The following DSE variants were observed in gnomAD, a reference collection of about 807,000 sequenced individuals.
DSE encodes dermatan-sulfate epimerase.
Under a neutral mutation model 84.4 loss-of-function variants are expected in DSE, and 36 were observed. The ratio of observed to expected loss-of-function variants is 0.43; its 90% CI spans 0.33 to 0.56. The LOEUF is 0.56. Ranked by LOEUF, DSE falls within the 20% of genes least tolerant of loss-of-function variation. The pLI is 0.06. For missense variants in DSE, 862 were observed against 1,169.6 expected (o/e 0.74, Z 3.84); for synonymous variants, 410 against 430.1 (o/e 0.95, Z 0.58).
chr6:116,287,048 A>G (rs1773953980), intron 2 of DSE, among the ~76,000 whole-genome samples: 1 of 152,146 alleles, frequency 6.6e-6, no homozygotes, highest in Admixed American at 6.6e-5. Context: ...ATCTGAAGAA[A>G]GAATATGTGC....
chr6:116,314,798 A>G (rs1208462706), intron 2 of DSE, among the ~76,000 whole-genome samples: 1 of 152,208 alleles, frequency 6.6e-6, no homozygotes, highest in African/African-American at 2.4e-5. Flanking sequence ...TTATGTGAAC[A>G]TTCTAGAAAG....
intron 2 of DSE, among the ~76,000 whole-genome samples, chr6:116,355,371 A>G (rs1201061541): frequency 6.6e-6 from 1 of 152,182 alleles, no homozygotes; most frequent in African/African-American, 2.4e-5. Context: ...CAGACTGTAG[A>G]GCCTCAGGTT....
intron 2 of DSE, among the ~76,000 whole-genome samples, chr6:116,325,470 GT>G (rs2114774221): frequency 6.6e-6 from 1 of 152,274 alleles, no homozygotes; most frequent in African/African-American, 2.4e-5. Flanking sequence ...AAAATGATTT[GT>G]TTTTATCTTC....
intron 2 of DSE, among the ~76,000 whole-genome samples, chr6:116,271,313 C>T (rs1204863): frequency 0.24 from 36,837 of 151,980 alleles, 4,650 homozygotes; most frequent in East Asian, 0.29. Context: ...GGGTGGGGTT[C>T]GAAAATCTGC....
intron 2 of DSE, among the ~76,000 whole-genome samples, chr6:116,341,885 G>C (rs1199780705): frequency 6.6e-6 from 1 of 152,100 alleles, no homozygotes; most frequent in Non-Finnish European, 1.5e-5. Context: ...TGCTGTTTTG[G>C]TTACTGTAGC....
At position 116,444,216 on chromosome 6, in the gene DSE, G is replaced by T. The variant is rs1326981604; in HGVS notation, c.*6871G>T. 1 of 152,178 alleles carries T rather than the reference G, an allele frequency of 6.6e-6. No homozygotes were observed. The highest frequency in any genetic ancestry group is 1.5e-5 in the Non-Finnish European group (1 of 68,038). 9.4% of individuals were successfully genotyped at this position (152,178 alleles called of 1,614,324 possible). ...GATTCTTTTGAAAGATTAATTCACAGAATTTTTTATCACAGTTGAAATATC... is the reference window on the plus strand; with the variant it reads ...GATTCTTTTGAAAGATTAATTCACATAATTTTTTATCACAGTTGAAATATC... On this transcript the variant is annotated 3_prime_UTR_variant, in exon 6 of 6. Coordinates refer to ENST00000644252, the MANE Select transcript of DSE (RefSeq NM_013352.4).
At chr6:116,281,463 A>T (rs1440785812) in intron 2 of DSE, among the ~76,000 whole-genome samples, 1 of 152,226 alleles carries the variant, frequency 6.6e-6, no homozygotes, top group Admixed American at 6.5e-5. Flanking sequence ...GGGTGCCTCA[A>T]GTTGTTTCTA....
chr6:116,333,947 G>T (rs561001284), intron 2 of DSE, among the ~76,000 whole-genome samples: 63 of 152,206 alleles, frequency 4.1e-4, no homozygotes, highest in African/African-American at 1.4e-3. Context: ...ACTCCGGCCT[G>T]GGTGACAGAG....
rs779964610 is a variant in DSE at position 116,279,132 on chromosome 6, C to T, written c.-54+20165C>T. 5.0e-6 allele frequency: 8 copies of T among 1,613,984 alleles called. No individual in the cohort carries two copies. The East Asian group carries it at 1.6e-4, about 31-fold the overall frequency. On this transcript the variant is annotated intron_variant, in intron 2 of 3. Coordinates refer to the DSE transcript ENST00000430252. ...CAGTGTCCAGTTCCAGCTGGATGGC[C>T]TCCAGAGGGTCCATGCGGAGAGCCT...
chr6:116,371,156 C>A, intron 1 of DSE, 35 bp downstream of exon 1: 1 of 985,844 alleles, frequency 1.0e-6, no homozygotes, highest in Non-Finnish European at 1.2e-6. Context: ...CGAGCTGGGG[C>A]GCGCGGCGCA....
At chr6:116,355,934 A>G (rs1402014605) in intron 2 of DSE, 1 of 152,240 alleles carries the variant, frequency 6.6e-6, no homozygotes, top group Non-Finnish European at 1.5e-5. Flanking sequence ...ATTAGTGTTG[A>G]AATCTTCCAG....
intron 2 of DSE, among the ~76,000 whole-genome samples, chr6:116,410,099 G>A (rs761307214): frequency 2.6e-5 from 4 of 152,196 alleles, no homozygotes; most frequent in Non-Finnish European, 5.9e-5. Flanking sequence ...GTGTAACAGG[G>A]CAGTGACATG....
intron 2 of DSE, among the ~76,000 whole-genome samples, chr6:116,317,246 G>A (rs1007413232): frequency 3.9e-5 from 6 of 152,328 alleles, no homozygotes; most frequent in African/African-American, 9.6e-5. Context: ...GTCATTGGCC[G>A]GGAGCAGCCT....
intron 2 of DSE, among the ~76,000 whole-genome samples, chr6:116,339,226 A>C (rs928323778): frequency 6.6e-5 from 10 of 152,106 alleles, no homozygotes; most frequent in African/African-American, 2.2e-4. Flanking sequence ...AAAAACTTAC[A>C]TAATGTTAAA....
At chr6:116,386,316 A>T (rs866644574) in intron 1 of DSE, among the ~76,000 whole-genome samples, 2 of 152,270 alleles carry the variant, frequency 1.3e-5, no homozygotes, top group African/African-American at 4.8e-5. Context: ...GATAAAGGGC[A>T]TATGGATGGG....
At chr6:116,425,133 G>T (rs1309092543) in intron 2 of DSE, among the ~76,000 whole-genome samples, 6 of 151,980 alleles carry the variant, frequency 3.9e-5, no homozygotes, top group South Asian at 2.1e-4. Context: ...TATTATCCCT[G>T]CTATTAAATG....
At chr6:116,421,610 T>G (rs1783100750) in intron 2 of DSE, among the ~76,000 whole-genome samples, 1 of 150,998 alleles carries the variant, frequency 6.6e-6, no homozygotes, top group Admixed American at 6.6e-5. Context: ...AAGCTGGGAC[T>G]TCAGGTGCAT....
intron 2 of DSE, among the ~76,000 whole-genome samples, chr6:116,297,098 G>T (rs917866563): frequency 6.6e-6 from 1 of 151,890 alleles, no homozygotes; most frequent in Non-Finnish European, 1.5e-5. Flanking sequence ...TAGTGGAGAT[G>T]TTGGTGCTCT....
chr6:116,370,790 G>A (rs1373404886), upstream of DSE: 5 of 977,422 alleles, frequency 5.1e-6, no homozygotes, highest in South Asian at 2.4e-4. Flanking sequence ...GGTTCGGCCG[G>A]GGGAGGGGGT....
Sources: gnomAD v4.1 joint callset for allele counts (sites outside exome capture counted in the v4.1 genomes callset) on GRCh38, gnomAD v4.1.1 for gene constraint, MANE v1.5 for transcripts, NCBI Gene and HGNC (gene_info 2026-07-23, HGNC 2026-07-21) for gene names.